EDA2R: variants seen among roughly 807,000 people sequenced by gnomAD.
The protein encoded by EDA2R is tumor necrosis factor receptor superfamily member 27.
In EDA2R, 26 loss-of-function variants were observed where a neutral mutation model predicts 20.1. The observed-to-expected ratio is 1.30, with a 90% CI of 0.95 to 1.80. EDA2R has a LOEUF of 1.80. Among genes scored for constraint, EDA2R ranks in the 40% most tolerant of loss-of-function variants. EDA2R has a pLI of 0.00. For synonymous variants in EDA2R, 114 were observed against 88.7 expected, an observed-to-expected ratio of 1.29 and a Z score of -1.60; for missense variants, 277 against 228.7, an observed-to-expected ratio of 1.21 and a Z score of -1.36.
chrX:66,599,487 AG>A lies in EDA2R; in HGVS notation c.890del (p.Pro297LeufsTer34), dbSNP rs1928104563. On this transcript the variant is annotated frameshift_variant, in exon 6 of 7. Transcript: ENST00000374719. LOFTEE classifies it high-confidence loss of function. Reference protein sequence around the residue: ...ELNVPFEVPSP With the variant: ...ELNVPFEVPSX ...TTTCCAGCTCACCTCATTAGAGTTA[AG>A]GGCTGGGAACTTCAAAGGGCACATT... is the stretch of plus-strand genomic sequence containing the variant. 1.7e-6 allele frequency: 2 copies of A among 1,153,362 alleles called. No individual in the cohort carries two copies. The highest frequency in any genetic ancestry group is 6.3e-5 in the East Asian group (2 of 31,907).
chrX:66,603,943 GAAGT>G (rs1289051218), intron 4 of EDA2R, among the ~76,000 whole-genome samples: 1 of 111,960 alleles, frequency 8.9e-6, no homozygotes, highest in Admixed American at 9.4e-5. Context: ...TTTAAAATAG[GAAGT>G]AAGTAAATAG....
At chrX:66,620,640 A>G (rs1023687541) in intron 1 of EDA2R, among the ~76,000 whole-genome samples, 1 of 111,352 alleles carries the variant, frequency 9.0e-6, no homozygotes, top group African/African-American at 3.3e-5. Flanking sequence ...AGAGAAAAAC[A>G]GAACAATGAC....
intron 1 of EDA2R, among the ~76,000 whole-genome samples, chrX:66,631,355 T>C (rs187536245): frequency 9.0e-6 from 1 of 111,099 alleles, no homozygotes; most frequent in African/African-American, 3.3e-5. Context: ...CAATAACCTA[T>C]GGAATTTTTT....
At chrX:66,632,418 A>AAAG (rs1231235375) in intron 1 of EDA2R, among the ~76,000 whole-genome samples, 3 of 105,130 alleles carry the variant, frequency 2.9e-5, no homozygotes, top group Non-Finnish European at 5.8e-5. Context: ...ATTCTCAAAC[A>AAAG]AAGAAGAAGA....
chrX:66,605,345 A>G (rs1321795935), intron 2 of EDA2R, 119 bp from the exon 3 acceptor site: 1 of 538,744 alleles, frequency 1.9e-6, no homozygotes, highest in Non-Finnish European at 2.8e-6. Context: ...TTACTAAGTC[A>G]TAAAACCAAT....
intron 1 of EDA2R, among the ~76,000 whole-genome samples, chrX:66,627,262 C>T (rs1933190731): frequency 8.9e-6 from 1 of 112,200 alleles, no homozygotes; most frequent in Non-Finnish European, 1.9e-5. Flanking sequence ...ACAATGAATG[C>T]AATGGTACCT....
chrX:66,599,921 C>A, intron 5 of EDA2R, 61 bp from the exon 6 acceptor site: 1 of 1,166,487 alleles, frequency 8.6e-7, no homozygotes, highest in Non-Finnish European at 1.1e-6. Flanking sequence ...CTCAGCTGGG[C>A]ACTGGGTACT....
At chrX:66,617,613 C>A (rs1167527579) in intron 1 of EDA2R, among the ~76,000 whole-genome samples, 1 of 111,380 alleles carries the variant, frequency 9.0e-6, no homozygotes, top group Non-Finnish European at 1.9e-5. Flanking sequence ...GCTAAGTTCC[C>A]AACATAGGCG....
intron 5 of EDA2R, among the ~76,000 whole-genome samples, chrX:66,601,018 C>T (rs1023305583): frequency 8.9e-6 from 1 of 111,832 alleles, no homozygotes; most frequent in Non-Finnish European, 1.9e-5. Context: ...GGATTTAATT[C>T]GCACATACAT....
chrX:66,599,815 G>A lies in EDA2R; in HGVS notation c.563C>T (p.Ser188Phe), dbSNP rs780091838. Residue 188 changes from serine to phenylalanine, a missense_variant, in exon 6 of 7, where the codon TCT (serine) becomes TTT (phenylalanine). Physicochemically the swap from Ser to Phe is radical, Grantham distance 155 (BLOSUM62 -2). Coordinates refer to ENST00000374719, the MANE Select transcript of EDA2R (RefSeq NM_021783.5). The stretch of plus-strand genomic sequence containing the variant: ...CTTGCTGGGTGGCACGGGGAAGAGA[G>A]ATTCCTCCTTTGCTGTTTTATCAGC... ...FEADKTAKEESLFPVPPSKET... is the reference protein window; with the variant it reads ...FEADKTAKEEFLFPVPPSKET... The A allele has an allele frequency of 1.7e-6, 2 of 1,208,613 alleles. No homozygotes were observed. The highest frequency in any genetic ancestry group is 1.7e-5 in the African/African-American group (1 of 57,790).
rs966061416 is a variant in EDA2R, at chrX:66,622,025, C to A, written c.-10-5995G>T. Among the ~76,000 whole-genome samples the A allele has an allele frequency of 4.5e-5, 5 of 111,826 alleles. No individual in the cohort carries two copies. In the East Asian group the frequency reaches 1.4e-3, roughly 31 times the overall value. ...TAAAGCTGCTATGAATATTTTTACA[C>A]AGGCCTCCAAATATAATTTGATTCA... On this transcript the variant is annotated intron_variant, in intron 1 of 6. Coordinates refer to ENST00000374719, the MANE Select transcript of EDA2R (RefSeq NM_021783.5).
At chrX:66,605,613 T>A (rs1269154926) in intron 2 of EDA2R, among the ~76,000 whole-genome samples, 1 of 112,024 alleles carries the variant, frequency 8.9e-6, no homozygotes, top group African/African-American at 3.2e-5. Context: ...TACCCGGGGT[T>A]ACAGAAGCTT....
chrX:66,623,683 T>C (rs1201492186), intron 1 of EDA2R, among the ~76,000 whole-genome samples: 2 of 111,783 alleles, frequency 1.8e-5, no homozygotes, highest in Non-Finnish European at 3.8e-5. Flanking sequence ...GCCTCCTTGT[T>C]GAACTTCAAA....
At chrX:66,608,032 A>T (rs756164025) in intron 2 of EDA2R, among the ~76,000 whole-genome samples, 17 of 112,322 alleles carry the variant, frequency 1.5e-4, no homozygotes, top group Admixed American at 1.5e-3. Flanking sequence ...GAAAAATTGT[A>T]AAATGGAACC....
At position 66,596,398 on chromosome X, in the gene EDA2R, C is replaced by A. The variant is rs1457194393; in HGVS notation, c.*1706G>T. 3 of 111,778 alleles carry A rather than the reference C, an allele frequency of 2.7e-5. No homozygotes were observed. Among genetic ancestry groups the A allele is most frequent in the Non-Finnish European group, 5.6e-5 (3 of 53,214 alleles). The allele number at this position is 111,778 out of a possible 1,213,427, so 9.2% of individuals were successfully genotyped here. On this transcript the variant is annotated 3_prime_UTR_variant, in exon 7 of 7. Coordinates refer to ENST00000374719, the MANE Select transcript of EDA2R (RefSeq NM_021783.5). ...AAAATGCAAAGCCAATTGCCACCTC[C>A]AATTGCTGAACCTCAAAAAGTTGGA...
At chrX:66,602,064 A>G (rs1928704484) in intron 5 of EDA2R, among the ~76,000 whole-genome samples, 1 of 111,827 alleles carries the variant, frequency 8.9e-6, no homozygotes, top group Non-Finnish European at 1.9e-5. Flanking sequence ...GCTTTCAGTT[A>G]TCCCCATTTG....
rs1323689304 is a variant in EDA2R at position 66,597,562 on chromosome X, A to G, written c.*542T>C. 2.7e-5 allele frequency: 3 copies of G among 112,382 alleles called. No homozygotes were observed. Among genetic ancestry groups the G allele is most frequent in the Non-Finnish European group, 5.6e-5 (3 of 53,330 alleles). The allele number at this position is 112,382 out of a possible 1,213,427, so 9.3% of individuals were successfully genotyped here. A position where few individuals can be genotyped will look rare whatever the true frequency, so the allele number is the denominator to read the frequency against. On this transcript the variant is annotated 3_prime_UTR_variant, in exon 7 of 7. Transcript: ENST00000374719. ...ATGCTGCAATGCAGCAGTCTGAGAC[A>G]TGAACTTGGGAATTATGGCACGAGG...
chrX:66,625,500 C>A (rs1304269995), intron 1 of EDA2R, among the ~76,000 whole-genome samples: 2 of 111,169 alleles, frequency 1.8e-5, no homozygotes, highest in Non-Finnish European at 3.8e-5. Context: ...CACACAGCAG[C>A]CACAGCAAGA....
chrX:66,632,722 A>T (rs1933958485), intron 1 of EDA2R, among the ~76,000 whole-genome samples: 1 of 111,369 alleles, frequency 9.0e-6, no homozygotes, highest in Non-Finnish European at 1.9e-5. Context: ...AGGACTGAGG[A>T]TGTGTCATTT....
Sources: allele counts gnomAD v4.1 joint callset (sites outside exome capture counted in the v4.1 genomes callset), GRCh38; gene constraint gnomAD v4.1.1; transcripts MANE v1.5; gene names NCBI Gene and HGNC (gene_info 2026-07-23, HGNC 2026-07-21).